ISM1: variants seen among roughly 807,000 people sequenced by gnomAD.
The protein encoded by ISM1 is isthmin 1, also known as isthmin-1.
A neutral mutation model predicts 46.3 loss-of-function variants in ISM1; 25 were observed. That is an observed-to-expected ratio of 0.54 (90% CI 0.39 to 0.75). The LOEUF (loss-of-function observed/expected upper bound fraction) is 0.75, where lower values mean the gene tolerates loss of function less well. Ranked by LOEUF, ISM1 falls within the 30% of genes least tolerant of loss-of-function variation. The pLI is 0.00. For synonymous variants in ISM1, 255 were observed against 256.7 expected (o/e 0.99, Z 0.06); for missense variants, 536 against 625.4 (o/e 0.86, Z 1.52).
the ISM1 span, among the ~76,000 whole-genome samples, chr20:13,322,551 C>A: frequency 6.6e-6 from 1 of 152,178 alleles, no homozygotes; most frequent in African/African-American, 2.4e-5. Context: ...TTCTAAACAA[C>A]TTAAGAAGAT....
intron 2 of ISM1, among the ~76,000 whole-genome samples, chr20:13,274,677 C>A (rs1010140186): frequency 9.3e-5 from 14 of 151,276 alleles, no homozygotes; most frequent in East Asian, 1.9e-4. Flanking sequence ...CCCGCCCCCC[C>A]CGCGCCCGGC....
chr20:13,294,165 T>C (rs2040384149), intron 5 of ISM1, among the ~76,000 whole-genome samples: 1 of 152,142 alleles, frequency 6.6e-6, no homozygotes, highest in East Asian at 1.9e-4. Context: ...CCTGAAATCT[T>C]GATTTTGCCA....
chr20:13,235,027 A>C (rs1478969073), intron 1 of ISM1, among the ~76,000 whole-genome samples: 2 of 152,208 alleles, frequency 1.3e-5, no homozygotes, highest in African/African-American at 4.8e-5. Context: ...AAAGCACTTA[A>C]TACAGGTCCT....
intron 1 of ISM1, among the ~76,000 whole-genome samples, chr20:13,265,703 G>GT (rs1306767791): frequency 6.6e-6 from 1 of 152,084 alleles, no homozygotes; most frequent in Non-Finnish European, 1.5e-5. Flanking sequence ...AGTAATGGCG[G>GT]TTTTTGCCAT....
intron 2 of ISM1, among the ~76,000 whole-genome samples, chr20:13,274,942 A>G (rs1885411): frequency 0.41 from 62,864 of 152,076 alleles, 13,273 homozygotes; most frequent in African/African-American, 0.47. Context: ...GGGTTTTATC[A>G]AAAACAAAAA....
At chr20:13,256,378 AGAGT>A (rs1053600182) in intron 1 of ISM1, among the ~76,000 whole-genome samples, 3 of 146,284 alleles carry the variant, frequency 2.1e-5, no homozygotes, top group African/African-American at 7.8e-5. Flanking sequence ...CCTGGGCAAC[AGAGT>A]GAGACCCCGT....
chr20:13,269,048 T>C (rs1010018273), intron 1 of ISM1, among the ~76,000 whole-genome samples: 2 of 152,216 alleles, frequency 1.3e-5, no homozygotes, highest in Non-Finnish European at 2.9e-5. Context: ...ATGAGTGTTT[T>C]TATACCAGAT....
chr20:13,321,909 T>C, the ISM1 span, among the ~76,000 whole-genome samples: 2 of 152,190 alleles, frequency 1.3e-5, no homozygotes, highest in Non-Finnish European at 2.9e-5. Flanking sequence ...TATGTGACCT[T>C]GAGCAAGGTA....
the ISM1 span, among the ~76,000 whole-genome samples, chr20:13,307,612 AG>A: frequency 3.3e-3 from 499 of 152,312 alleles, 1 homozygote; most frequent in African/African-American, 0.011. Flanking sequence ...CTCCTCACCA[AG>A]AATAATCAGT....
At chr20:13,238,596 C>G (rs1380847539) in intron 1 of ISM1, among the ~76,000 whole-genome samples, 1 of 152,118 alleles carries the variant, frequency 6.6e-6, no homozygotes, top group Non-Finnish European at 1.5e-5. Context: ...TAGAAAACAA[C>G]AAAGTTGTTT....
At chr20:13,226,240 T>C (rs1016071465) in intron 1 of ISM1, among the ~76,000 whole-genome samples, 1 of 152,228 alleles carries the variant, frequency 6.6e-6, no homozygotes, top group Non-Finnish European at 1.5e-5. Flanking sequence ...GTAAAACAGC[T>C]TAGCTTCTTG....
intron 3 of ISM1, among the ~76,000 whole-genome samples, chr20:13,280,104 T>C (rs766683110): frequency 1.5e-4 from 23 of 152,184 alleles, no homozygotes; most frequent in Non-Finnish European, 2.6e-4. Context: ...TTAAATCAAA[T>C]CATAATCACT....
chr20:13,287,766 G>A, intron 3 of ISM1, among the ~76,000 whole-genome samples: 1 of 152,172 alleles, frequency 6.6e-6, no homozygotes, highest in East Asian at 1.9e-4. Flanking sequence ...TGACCTTGAG[G>A]GATCATCTCT....
chr20:13,304,674 T>C (rs115728870), downstream of ISM1, among the ~76,000 whole-genome samples: 147 of 152,238 alleles, frequency 9.7e-4, no homozygotes, highest in African/African-American at 3.4e-3. Flanking sequence ...TGTTTGGTGA[T>C]CTTGGGGGAA....
chr20:13,297,592 A>AG (rs1024942472), intron 5 of ISM1, among the ~76,000 whole-genome samples: 1 of 152,258 alleles, frequency 6.6e-6, no homozygotes, highest in African/African-American at 2.4e-5. Flanking sequence ...CATAAATGAA[A>AG]GGATCAAGTA....
At chr20:13,265,780 G>C (rs6033653) in intron 1 of ISM1, among the ~76,000 whole-genome samples, 30,320 of 151,962 alleles carry the variant, frequency 0.2, 3,500 homozygotes, top group East Asian at 0.45. Context: ...AATCCCAAGA[G>C]GGCACATTGC....
At chr20:13,284,207 G>A (rs980276811) in intron 3 of ISM1, among the ~76,000 whole-genome samples, 4 of 152,216 alleles carry the variant, frequency 2.6e-5, no homozygotes, top group Non-Finnish European at 5.9e-5. Context: ...GATTAGTGGT[G>A]CAGGTTTACT....
intron 1 of ISM1, among the ~76,000 whole-genome samples, chr20:13,242,406 T>C (rs1296801248): frequency 2.6e-5 from 4 of 152,128 alleles, no homozygotes; most frequent in African/African-American, 9.7e-5. Flanking sequence ...GAAGAAAAAG[T>C]CAGGAGTTAG....
chr20:13,309,770 TA>T, the ISM1 span, among the ~76,000 whole-genome samples: 46 of 151,860 alleles, frequency 3.0e-4, no homozygotes, highest in Admixed American at 9.8e-4. Context: ...AAAATTAACA[TA>T]AAAAAATCAG....
Sources: allele counts gnomAD v4.1 joint callset (sites outside exome capture counted in the v4.1 genomes callset), GRCh38; gene constraint gnomAD v4.1.1; transcripts MANE v1.5; gene names NCBI Gene and HGNC (gene_info 2026-07-23, HGNC 2026-07-21).